The following MYO15A variants were observed in gnomAD, a reference collection of about 807,000 sequenced individuals.
MYO15A encodes myosin XVA.
MYO15A carries 308 observed loss-of-function variants against 394.6 expected under a neutral mutation model. The ratio of observed to expected loss-of-function variants is 0.78; its 90% confidence interval spans 0.71 to 0.86. The LOEUF is 0.86. MYO15A is among the 40% of genes least tolerant of loss of function. The pLI is 0.00. For synonymous variants in MYO15A, 1,957 were observed against 2,003.8 expected, an observed-to-expected ratio of 0.98 and a Z score of 0.62; for missense variants, 4,606 against 4,799.1, an observed-to-expected ratio of 0.96 and a Z score of 1.19.
At chr17:18,128,191 C>T (rs955734272) in intron 7 of MYO15A, among the ~76,000 whole-genome samples, 2 of 152,070 alleles carry the variant, frequency 1.3e-5, no homozygotes, top group African/African-American at 2.4e-5. Context: ...GAGCCACAGG[C>T]AGCATGGAGG....
chr17:18,127,045 G>A (rs2046058268), intron 6 of MYO15A, 30 bp from the exon 7 acceptor site: 1 of 1,613,322 alleles, frequency 6.2e-7, no homozygotes, highest in Non-Finnish European at 8.5e-7. Flanking sequence ...GCGAAAGGTT[G>A]GAGCTCACTC....
chr17:18,177,660 T>C (rs57186648), intron 65 of MYO15A: 23,452 of 152,250 alleles, frequency 0.15, 2,483 homozygotes, highest in East Asian at 0.54. Flanking sequence ...TCCCACCACC[T>C]ACCAGTTGTG....
chr17:18,170,989 T>G (rs1047809794), intron 62 of MYO15A, among the ~76,000 whole-genome samples: 3 of 152,244 alleles, frequency 2.0e-5, no homozygotes, highest in Admixed American at 2.0e-4. Flanking sequence ...CCAGGGGATC[T>G]CTTGGGAGGA....
At chr17:18,126,728 C>T (rs1239244180) in intron 5 of MYO15A, 63 bp from the exon 6 acceptor site, 5 of 1,563,128 alleles carry the variant, frequency 3.2e-6, no homozygotes, top group Non-Finnish European at 4.4e-6. Flanking sequence ...TGCTCCCTGC[C>T]CAATCCCTGG....
In MYO15A at chr17:18,131,241, C is replaced by T; in HGVS notation, c.4041C>T (p.Ile1347=). The change falls in exon 9 of 66, where the codon ATC becomes ATT. Residue 1347 remains isoleucine (I), a splice_region_variant and synonymous_variant. Transcript: ENST00000647165. The part of the protein sequence containing the change: ...QKREVMQQIK[I]LEATPLLESF... ...CCACATCTCCTTCTGGAGTCCAGAT[C>T]CTGGAGGCAACACCCCTCTTGGAGT... 6.2e-7 allele frequency: 1 copy of T among 1,612,984 alleles called. No individual in the cohort carries two copies. The highest frequency in any genetic ancestry group is 1.1e-5 in the South Asian group (1 of 91,062).
intron 13 of MYO15A, among the ~76,000 whole-genome samples, chr17:18,136,085 C>A (rs529033781): frequency 6.6e-6 from 1 of 152,202 alleles, no homozygotes; most frequent in Non-Finnish European, 1.5e-5. Context: ...CCAGGTATCC[C>A]CTCCTCTAAG....
Position 18,133,243 on chromosome 17 carries a change from G to A in MYO15A, c.4339G>A (p.Ala1447Thr). Residue 1447 changes from alanine to threonine, a missense_variant, in exon 12 of 66, where the codon GCA becomes ACA. Around this residue, in one of 2 missense-constraint regions of MYO15A, gnomAD observed 2,776 missense variants for 3,109.3 expected, o/e 0.89. Coordinates refer to ENST00000647165, the MANE Select transcript of MYO15A (RefSeq NM_016239.4). ...CATGCAGGGTGGGAACTGTGAGATAGCAGGAAAGAGCGATGCAGATGACTT... is the reference window on the plus strand; with the variant it reads ...CATGCAGGGTGGGAACTGTGAGATAACAGGAAAGAGCGATGCAGATGACTT... ...YLNQGGNCEI[A>T]GKSDADDFRR... is the part of the protein sequence containing the mutation. 1 of 1,614,156 alleles carries A rather than the reference G, an allele frequency of 6.2e-7. No individual in the cohort carries two copies. The highest frequency in any genetic ancestry group is 8.5e-7 in the Non-Finnish European group (1 of 1,180,022).
rs1222068002 is a variant in MYO15A at position 18,120,966 on chromosome 17, G to C, written c.2166G>C (p.Val722=). ...CGCAGGCCAGCTGGTGGGCCTTCGT[G>C]GAGCCCCCTGCCGTGAGCCCGGAGG... is the stretch of plus-strand genomic sequence containing the variant. ...PAPQASWWAF[V]EPPAVSPEVP... Residue 722 remains valine (V), a synonymous_variant, in exon 2 of 66, where the codon GTG becomes GTC. Transcript: ENST00000647165. The C allele has an allele frequency of 1.3e-6, 2 of 1,487,098 alleles. No individual in the cohort carries two copies. The highest frequency in any genetic ancestry group is 5.7e-5 in the East Asian group (2 of 34,832). The allele number at this position is 1,487,098 out of a possible 1,614,324, so 92.1% of individuals were successfully genotyped here.
At position 18,157,709 on chromosome 17, in the gene MYO15A, T is replaced by C. The variant is rs2046699921; in HGVS notation, c.8789-13T>C. ...ACCCTCCTGTTTGCCTCAGACCTTT[T>C]ACCCACCCCTAGGCTGGAGGTTCGG... On this transcript the variant is annotated splice_polypyrimidine_tract_variant and intron_variant, in intron 50 of 65. Coordinates refer to ENST00000647165, the MANE Select transcript of MYO15A (RefSeq NM_016239.4). 1.2e-6 allele frequency: 2 copies of C among 1,604,692 alleles called. No individual in the cohort carries two copies. The highest frequency in any genetic ancestry group is 4.5e-5 in the East Asian group (2 of 44,872).
At chr17:18,138,334 C>G (rs2046317864) in intron 17 of MYO15A, 88 bp downstream of exon 17, 2 of 1,501,216 alleles carry the variant, frequency 1.3e-6, no homozygotes, top group African/African-American at 2.8e-5. Flanking sequence ...TCATTCCTCT[C>G]TGCTCTGGCC....
intron 50 of MYO15A, 121 bp downstream of exon 50, chr17:18,157,351 T>C (rs2046694542): frequency 2.2e-6 from 3 of 1,357,454 alleles, no homozygotes; most frequent in Admixed American, 3.9e-5. Context: ...TCAGGTCTCC[T>C]AAGGTCCAGC....
At chr17:18,139,664 C>T in intron 19 of MYO15A, 53 bp downstream of exon 19, 2 of 1,588,972 alleles carry the variant, frequency 1.3e-6, no homozygotes, top group Non-Finnish European at 1.7e-6. Context: ...GTCCCCACCC[C>T]CACACCCAGC....
At chr17:18,149,120 T>C in intron 33 of MYO15A, 96 bp from the exon 34 acceptor site, 1 of 1,537,344 alleles carries the variant, frequency 6.5e-7, no homozygotes, top group Middle Eastern at 1.8e-4. Flanking sequence ...TGCTTTTAAA[T>C]GGAGAAAGCC....
At position 18,120,190 on chromosome 17, in the gene MYO15A, G is replaced by C; in HGVS notation, c.1390G>C (p.Asp464His). 1 of 1,612,876 alleles carries C rather than the reference G, an allele frequency of 6.2e-7. No homozygotes were observed. Among genetic ancestry groups the C allele is most frequent in the Non-Finnish European group, 8.5e-7 (1 of 1,179,996 alleles). Reference sequence around the variant, plus strand: ...CGCCTTCTTCGAGCAGCAAGGCATGGATAAGCCCGCCAGGTCCAAGCTGTC... The same window carrying C: ...CGCCTTCTTCGAGCAGCAAGGCATGCATAAGCCCGCCAGGTCCAAGCTGTC... ...SAAFFEQQGM[D>H]KPARSKLSLI... Residue 464 changes from aspartate to histidine, a missense_variant, in exon 2 of 66, where the codon GAT (aspartate) becomes CAT (histidine). By Grantham distance (81) the Asp-to-His change is moderately conservative (BLOSUM62 -1). Coordinates refer to ENST00000647165, the MANE Select transcript of MYO15A (RefSeq NM_016239.4).
In MYO15A at chr17:18,118,842, G is replaced by A; in HGVS notation, c.42G>A (p.Gly14=). The change falls in exon 2 of 66, where the codon GGG becomes GGA. Residue 14 remains glycine, a synonymous_variant. Coordinates refer to ENST00000647165, the MANE Select transcript of MYO15A (RefSeq NM_016239.4). The part of the protein sequence containing the change: ...EEDEEKKAKK[G]KKGKKAPEPE... ...ATGAGGAGAAGAAAGCCAAGAAAGGGAAGAAGGGGAAGAAGGCACCGGAGC... is the reference window on the plus strand; with the variant it reads ...ATGAGGAGAAGAAAGCCAAGAAAGGAAAGAAGGGGAAGAAGGCACCGGAGC... The A allele has an allele frequency of 6.2e-7, 1 of 1,611,384 alleles. No homozygotes were observed. Among genetic ancestry groups the A allele is most frequent in the Non-Finnish European group, 8.5e-7 (1 of 1,178,794 alleles).
chr17:18,158,879 C>T, intron 52 of MYO15A, 46 bp from the exon 53 acceptor site: 2 of 1,607,978 alleles, frequency 1.2e-6, no homozygotes, highest in Non-Finnish European at 8.5e-7. Flanking sequence ...AGGATGTAGC[C>T]AAGGCTTGGG....
At chr17:18,175,308 T>TTTTTTTTTTTTTTTTTTG (rs71155320) in intron 65 of MYO15A, among the ~76,000 whole-genome samples, 3 of 147,158 alleles carry the variant, frequency 2.0e-5, no homozygotes, top group African/African-American at 5.0e-5. Context: ...TTTTTTTTTT[T>TTTTTTTTTTTTTTTTTTG]GAGGCAAAGT....
intron 1 of MYO15A, chr17:18,109,312 C>G (rs1340194247): frequency 2.0e-5 from 3 of 153,222 alleles, no homozygotes; most frequent in African/African-American, 4.8e-5. Flanking sequence ...GCAGTGAGGG[C>G]TCAGGTGAGA....
Position 18,148,003 on chromosome 17 carries a change from T to A in MYO15A, c.6510-26T>A, listed in dbSNP as rs762074501. 2.4e-5 allele frequency: 39 copies of A among 1,613,806 alleles called. No individual in the cohort carries two copies. Among genetic ancestry groups the A allele is most frequent in the Non-Finnish European group, 3.1e-5 (37 of 1,179,974 alleles). On this transcript the variant is annotated intron_variant, in intron 30 of 65. Transcript: ENST00000647165. This position sits in a 1 kb window ranked among gnomAD's most constrained non-coding sequence, Gnocchi z 4.8. ...CAAGCTAGCTTCAGATCCTTCTTGA[T>A]CCTGGCTCCAACTCCTACCCATCAG...
Sources: allele counts gnomAD v4.1 joint callset (sites outside exome capture counted in the v4.1 genomes callset), GRCh38; gene constraint gnomAD v4.1.1; regional missense constraint gnomAD v4.1.1; non-coding constraint Gnocchi (gnomAD v3.1); transcripts MANE v1.5; gene names NCBI Gene and HGNC (gene_info 2026-07-23, HGNC 2026-07-21).